COG5: variants seen among roughly 807,000 people sequenced by gnomAD.
COG5 encodes component of oligomeric golgi complex 5, also known as conserved oligomeric Golgi complex subunit 5.
Under a neutral mutation model 110.4 loss-of-function variants are expected in COG5, and 86 were observed. That is an observed-to-expected ratio of 0.78 (90% CI 0.65 to 0.93). The LOEUF (loss-of-function observed/expected upper bound fraction) is 0.93. Among genes scored for constraint, COG5 ranks in the 40% least tolerant of loss-of-function variants. The pLI is 0.00. For missense variants in COG5, 1,077 were observed against 987.0 expected (o/e 1.09, Z -1.22); for synonymous variants, 360 against 334.6 (o/e 1.08, Z -0.83).
chr7:107,509,580 C>G (rs1282573804), intron 6 of COG5, among the ~76,000 whole-genome samples: 1 of 152,118 alleles, frequency 6.6e-6, no homozygotes, highest in Non-Finnish European at 1.5e-5. Flanking sequence ...AAGAGCAACT[C>G]CAACACACGT....
intron 7 of COG5, 57 bp downstream of exon 7, chr7:107,412,445 T>A (rs1290781410): frequency 1.2e-5 from 18 of 1,546,534 alleles, no homozygotes; most frequent in Non-Finnish European, 1.5e-5. Flanking sequence ...CAAAGTCAAA[T>A]GTTCACCTGT....
intron 7 of COG5, 136 bp from the exon 8 acceptor site, chr7:107,372,896 G>A: frequency 1.3e-6 from 1 of 785,602 alleles, no homozygotes. Flanking sequence ...AATTATCAAA[G>A]ACAAGAAAAA....
intron 10 of COG5, among the ~76,000 whole-genome samples, chr7:107,346,055 C>T (rs1424774587): frequency 3.3e-5 from 5 of 152,114 alleles, no homozygotes; most frequent in South Asian, 4.2e-4. Flanking sequence ...GTTTTAGTAT[C>T]GGCAAATTCC....
At chr7:107,249,758 C>G (rs994020782) in intron 16 of COG5, among the ~76,000 whole-genome samples, 2 of 148,784 alleles carry the variant, frequency 1.3e-5, no homozygotes, top group Non-Finnish European at 3.0e-5. Context: ...AGTTTGCCCT[C>G]CATACAGGAG....
Position 107,504,466 on chromosome 7 carries a change from G to T in COG5, c.538+22771C>A, listed in dbSNP as rs181746007. 5.5e-3 allele frequency among the ~76,000 whole-genome samples: 842 copies of T among 151,972 alleles called. 8 individuals are homozygous for T. The highest frequency in any genetic ancestry group is 0.02 in the African/African-American group (811 of 41,482). On this transcript the variant is annotated intron_variant, in intron 6 of 21. Coordinates refer to ENST00000297135, the MANE Select transcript of COG5 (RefSeq NM_006348.5). ...TATTGCTCTGTAGTTTTCTTTTTTTGTTATGTCCTTTCTGAGTTTTGGTAT... is the reference window on the plus strand; with the variant it reads ...TATTGCTCTGTAGTTTTCTTTTTTTTTTATGTCCTTTCTGAGTTTTGGTAT...
intron 6 of COG5, among the ~76,000 whole-genome samples, chr7:107,519,533 T>G (rs889682183): frequency 6.6e-6 from 1 of 150,558 alleles, no homozygotes; most frequent in Non-Finnish European, 1.5e-5. Context: ...GCAAATGAAC[T>G]AGAAAATCTA....
At position 107,298,253 on chromosome 7, in the gene COG5, T is replaced by C. The variant is rs368243331; in HGVS notation, c.1202A>G (p.Gln401Arg). Residue 401 changes from glutamine to arginine, a missense_variant, in exon 12 of 22, where the codon CAG becomes CGG. Physicochemically the swap from Gln to Arg is conservative, Grantham distance 43 (BLOSUM62 1). Transcript: ENST00000297135. ...TGCATTAAAATTCCCTTGGATATGC[T>C]GACTGTATTGTTGAAGACGCTTCCA... Reference protein sequence around the residue: ...DLWKRLQQYSQHIQGNFNASG... With the variant: ...DLWKRLQQYSRHIQGNFNASG... 1.9e-6 allele frequency: 3 copies of C among 1,613,382 alleles called. No individual in the cohort carries two copies. The highest frequency in any genetic ancestry group is 2.5e-6 in the Non-Finnish European group (3 of 1,179,558).
At chr7:107,403,961 T>C (rs1791627590) in intron 7 of COG5, among the ~76,000 whole-genome samples, 1 of 152,098 alleles carries the variant, frequency 6.6e-6, no homozygotes, top group Non-Finnish European at 1.5e-5. Context: ...ATTCAATGAA[T>C]AGAAACATCA....
rs528237603 is a variant in COG5 at position 107,510,969 on chromosome 7, G to A, written c.538+16268C>T. Among the ~76,000 whole-genome samples the A allele has an allele frequency of 4.7e-3, 711 of 151,740 alleles. 5 individuals carry two copies. The highest frequency in any genetic ancestry group is 7.0e-3 in the Non-Finnish European group (475 of 67,856). Reference sequence around the variant, plus strand: ...AAAGATCCAAAATTGACACCCTAACGTCACAATTAAAAGAACTAGAAAAGC... The same window carrying A: ...AAAGATCCAAAATTGACACCCTAACATCACAATTAAAAGAACTAGAAAAGC... On this transcript the variant is annotated intron_variant, in intron 6 of 21. Transcript: ENST00000297135.
intron 21 of COG5, chr7:107,208,233 T>C (rs1798913654): frequency 2.0e-6 from 2 of 985,278 alleles, no homozygotes; most frequent in African/African-American, 3.5e-5. Flanking sequence ...GAATCAGCCA[T>C]GTGTGGAGGG....
At chr7:107,457,991 A>G (rs1172519979) in intron 6 of COG5, among the ~76,000 whole-genome samples, 2 of 152,204 alleles carry the variant, frequency 1.3e-5, no homozygotes, top group Non-Finnish European at 2.9e-5. Context: ...GGAACTCTTA[A>G]AAGAAGCTAG....
At chr7:107,392,215 C>T (rs1330417841) in intron 7 of COG5, among the ~76,000 whole-genome samples, 4 of 152,084 alleles carry the variant, frequency 2.6e-5, no homozygotes, top group African/African-American at 7.2e-5. Flanking sequence ...GATCCTTATT[C>T]CAAGGACAGA....
At chr7:107,255,035 C>A (rs1453553205) in intron 16 of COG5, among the ~76,000 whole-genome samples, 1 of 152,142 alleles carries the variant, frequency 6.6e-6, no homozygotes, top group Non-Finnish European at 1.5e-5. Flanking sequence ...TATGCAATTA[C>A]ATATGTAGGT....
At chr7:107,554,749 G>A (rs947011364) in intron 2 of COG5, among the ~76,000 whole-genome samples, 4 of 152,116 alleles carry the variant, frequency 2.6e-5, no homozygotes, top group Admixed American at 6.5e-5. Context: ...TTCACATGGT[G>A]GAAGGGGCAA....
chr7:107,546,226 A>C (rs558303551), intron 5 of COG5, among the ~76,000 whole-genome samples: 4 of 152,316 alleles, frequency 2.6e-5, no homozygotes, highest in African/African-American at 9.6e-5. Context: ...AGCAGTTCTA[A>C]GACGAAAGTT....
intron 14 of COG5, among the ~76,000 whole-genome samples, chr7:107,272,289 G>A (rs1428360920): frequency 6.6e-6 from 1 of 152,174 alleles, no homozygotes; most frequent in Non-Finnish European, 1.5e-5. Context: ...AAACTCAAAA[G>A]AATGCAACGA....
At chr7:107,222,700 T>G (rs942440563) in intron 19 of COG5, among the ~76,000 whole-genome samples, 5 of 152,146 alleles carry the variant, frequency 3.3e-5, no homozygotes, top group Non-Finnish European at 7.4e-5. Context: ...TTTTAAACAC[T>G]AGCAAGTTAA....
At chr7:107,456,897 GCCTTAGAATAAATGTT>G (rs1472641427) in intron 6 of COG5, among the ~76,000 whole-genome samples, 2 of 152,170 alleles carry the variant, frequency 1.3e-5, no homozygotes, top group African/African-American at 4.8e-5. Context: ...GGCTAAACTA[GCCTTAGAATAAATGTT>G]CCTCTGAAGC....
At chr7:107,352,405 C>T (rs1401779853) in intron 10 of COG5, among the ~76,000 whole-genome samples, 5 of 145,500 alleles carry the variant, frequency 3.4e-5, no homozygotes, top group African/African-American at 1.3e-4. Flanking sequence ...ACAATGTATA[C>T]ATATGGAACA....
Sources: allele counts gnomAD v4.1 joint callset (sites outside exome capture counted in the v4.1 genomes callset), GRCh38; gene constraint gnomAD v4.1.1; transcripts MANE v1.5; gene names NCBI Gene and HGNC (gene_info 2026-07-23, HGNC 2026-07-21).